Variants in ZFPM2 observed in about 807,000 individuals in gnomAD.
ZFPM2 encodes zinc finger protein ZFPM2.
Under a neutral mutation model 98.6 loss-of-function variants are expected in ZFPM2, and 20 were observed. The ratio of observed to expected loss-of-function variants is 0.20; its 90% CI spans 0.14 to 0.29. The LOEUF (loss-of-function observed/expected upper bound fraction) is 0.29. Among genes scored for constraint, ZFPM2 ranks in the 10% least tolerant of loss-of-function variants. The pLI is 1.00. For missense variants in ZFPM2, 1,310 were observed against 1,388.6 expected (o/e 0.94, Z 0.90); for synonymous variants, 518 against 502.7 (o/e 1.03, Z -0.41).
At chr8:105,489,624 T>A (rs1419260866) in intron 3 of ZFPM2, among the ~76,000 whole-genome samples, 1 of 151,212 alleles carries the variant, frequency 6.6e-6, no homozygotes, top group South Asian at 2.1e-4. Context: ...CCACCATGCC[T>A]GGCTAATTTT....
intron 3 of ZFPM2, among the ~76,000 whole-genome samples, chr8:105,497,709 G>A (rs761329032): frequency 2.6e-5 from 4 of 152,054 alleles, no homozygotes; most frequent in Admixed American, 2.0e-4. Context: ...GTGAAGGAAC[G>A]GATAAGATTA....
At chr8:105,772,197 AG>A (rs2131093024) in intron 5 of ZFPM2, among the ~76,000 whole-genome samples, 2 of 152,264 alleles carry the variant, frequency 1.3e-5, no homozygotes, top group African/African-American at 4.8e-5. Flanking sequence ...AAGAATGGCA[AG>A]GGTTGAGGGT....
At chr8:105,643,995 A>G (rs1322815854) in intron 5 of ZFPM2, among the ~76,000 whole-genome samples, 1 of 152,226 alleles carries the variant, frequency 6.6e-6, no homozygotes, top group East Asian at 1.9e-4. Flanking sequence ...TTATAACGTC[A>G]GAGTTGAGTG....
chr8:105,757,782 C>T (rs752545436), intron 5 of ZFPM2, among the ~76,000 whole-genome samples: 2 of 152,244 alleles, frequency 1.3e-5, no homozygotes, highest in African/African-American at 2.4e-5. Flanking sequence ...TTCTCCTCCT[C>T]GTTCTGGGCT....
At chr8:105,593,699 G>A (rs1361181289) in intron 4 of ZFPM2, among the ~76,000 whole-genome samples, 2 of 151,198 alleles carry the variant, frequency 1.3e-5, no homozygotes, top group East Asian at 1.9e-4. Context: ...GTCAAGGGCC[G>A]AAGACTTTCT....
rs758229113 is a variant in ZFPM2 at position 105,561,406 on chromosome 8, G to T, written c.345G>T (p.Gln115His). ...AGAAAGATGGGGAACGAAAAATTCA[G>T]AGTCGACAGCAACTTCCAGTGGGAA... ...VFQKDGERKI[Q>H]SRQQLPVGTT... The change falls in exon 4 of 8, where the codon CAG becomes CAT. Residue 115 changes from glutamine (Q) to histidine (H), a missense_variant. Physicochemically the swap from Gln to His is conservative, Grantham distance 24. Transcript: ENST00000407775. 6.2e-7 allele frequency: 1 copy of T among 1,613,570 alleles called. No homozygotes were observed. Among genetic ancestry groups the T allele is most frequent in the East Asian group, 2.2e-5 (1 of 44,828 alleles).
chr8:105,369,416 G>A (rs951228966), intron 1 of ZFPM2, among the ~76,000 whole-genome samples: 1 of 151,932 alleles, frequency 6.6e-6, no homozygotes, highest in African/African-American at 2.4e-5. Flanking sequence ...TTTTTAACTT[G>A]GGTAATACTA....
intron 5 of ZFPM2, among the ~76,000 whole-genome samples, chr8:105,654,916 C>T (rs1334626081): frequency 6.6e-6 from 1 of 152,126 alleles, no homozygotes; most frequent in African/African-American, 2.4e-5. Flanking sequence ...TCTGATACAG[C>T]CTTTTCTATG....
intron 3 of ZFPM2, among the ~76,000 whole-genome samples, chr8:105,446,289 G>C (rs945006200): frequency 6.6e-6 from 1 of 152,162 alleles, no homozygotes; most frequent in African/African-American, 2.4e-5. Flanking sequence ...TAAAAGTTTA[G>C]TTGGCCTTTT....
At chr8:105,671,558 G>A (rs1245795493) in intron 5 of ZFPM2, among the ~76,000 whole-genome samples, 1 of 151,758 alleles carries the variant, frequency 6.6e-6, no homozygotes, top group African/African-American at 2.4e-5. Context: ...TACTTTTGAA[G>A]GTTGTCAAAT....
At chr8:105,645,421 G>A (rs1188209036) in intron 5 of ZFPM2, among the ~76,000 whole-genome samples, 1 of 152,158 alleles carries the variant, frequency 6.6e-6, no homozygotes, top group African/African-American at 2.4e-5. Context: ...CATTTGGGAA[G>A]GGATATGTCC....
chr8:105,625,470 C>T (rs920180199), intron 4 of ZFPM2, among the ~76,000 whole-genome samples: 1 of 152,098 alleles, frequency 6.6e-6, no homozygotes, highest in Non-Finnish European at 1.5e-5. Context: ...CATTTTACTC[C>T]ATTTTTCAAT....
At chr8:105,710,539 G>C (rs1811360282) in intron 5 of ZFPM2, among the ~76,000 whole-genome samples, 7 of 152,050 alleles carry the variant, frequency 4.6e-5, no homozygotes, top group Admixed American at 4.6e-4. Context: ...TCTTCAAATT[G>C]AGAGATATGC....
intron 6 of ZFPM2, among the ~76,000 whole-genome samples, chr8:105,792,910 C>T (rs1322181499): frequency 6.6e-6 from 1 of 152,072 alleles, no homozygotes; most frequent in African/African-American, 2.4e-5. Flanking sequence ...ATTGCAATCC[C>T]TGCCTTTTTT....
chr8:105,409,450 ACT>A (rs1355912243), intron 1 of ZFPM2, among the ~76,000 whole-genome samples: 6 of 151,882 alleles, frequency 4.0e-5, no homozygotes, highest in Admixed American at 6.6e-5. Flanking sequence ...CATTTGCTGG[ACT>A]CTCTGATGTT....
chr8:105,415,161 A>G (rs1461960139), intron 1 of ZFPM2, among the ~76,000 whole-genome samples: 2 of 152,192 alleles, frequency 1.3e-5, no homozygotes, highest in East Asian at 3.9e-4. Context: ...AGAATTTCCC[A>G]GTTATTCTCA....
chr8:105,407,910 G>GT (rs1811494404), intron 1 of ZFPM2, among the ~76,000 whole-genome samples: 1 of 151,872 alleles, frequency 6.6e-6, no homozygotes, highest in Non-Finnish European at 1.5e-5. Context: ...GAGTGCATAG[G>GT]TATGTGTCTC....
intron 3 of ZFPM2, among the ~76,000 whole-genome samples, chr8:105,454,887 A>G (rs976203321): frequency 2.0e-5 from 3 of 152,194 alleles, no homozygotes; most frequent in African/African-American, 7.2e-5. Context: ...TGACGTGAAC[A>G]TAATAGACTT....
chr8:105,617,418 A>T (rs1051999756), intron 4 of ZFPM2, among the ~76,000 whole-genome samples: 1 of 152,152 alleles, frequency 6.6e-6, no homozygotes, highest in Non-Finnish European at 1.5e-5. Flanking sequence ...TGAGGAACAT[A>T]CTAATTAAAC....
Sources: gnomAD v4.1 joint callset for allele counts (sites outside exome capture counted in the v4.1 genomes callset) on GRCh38, gnomAD v4.1.1 for gene constraint, MANE v1.5 for transcripts, NCBI Gene and HGNC (gene_info 2026-07-23, HGNC 2026-07-21) for gene names.